MTA3: variants seen among roughly 807,000 people sequenced by gnomAD.
The protein encoded by MTA3 is metastasis associated 1 family member 3.
A neutral mutation model predicts 83.5 loss-of-function variants in MTA3; 34 were observed. The observed-to-expected ratio is 0.41, with a 90% CI of 0.31 to 0.54. The LOEUF is 0.54. Ranked by LOEUF, MTA3 falls within the 20% of genes least tolerant of loss-of-function variation. The pLI is 0.33. For synonymous variants in MTA3, 303 were observed against 252.7 expected (o/e 1.20, Z -1.89); for missense variants, 761 against 726.4 (o/e 1.05, Z -0.55).
chr2:42,712,565 A>C (rs1489384843), intron 14 of MTA3, among the ~76,000 whole-genome samples: 4 of 152,200 alleles, frequency 2.6e-5, no homozygotes, highest in Non-Finnish European at 2.9e-5. Flanking sequence ...GAATGTATAA[A>C]TCCATGCCAA....
At chr2:42,517,943 T>C (rs145577917) in intron 2 of MTA3, among the ~76,000 whole-genome samples, 4,513 of 151,800 alleles carry the variant, frequency 0.03, 97 homozygotes, top group Non-Finnish European at 0.04. Context: ...CCGAGCACTT[T>C]GGGAGGCCAA....
chr2:42,509,081 C>T (rs529994203), intron 2 of MTA3, among the ~76,000 whole-genome samples: 44 of 151,864 alleles, frequency 2.9e-4, no homozygotes, highest in African/African-American at 1.0e-3. Context: ...CTTGCTCTGT[C>T]GCCCAGGCTG....
intron 8 of MTA3, among the ~76,000 whole-genome samples, chr2:42,679,440 C>G (rs1273267498): frequency 6.6e-6 from 1 of 152,146 alleles, no homozygotes; most frequent in Non-Finnish European, 1.5e-5. Context: ...TGCAACTAGG[C>G]TTCACTAAAG....
intron 10 of MTA3, 85 bp downstream of exon 10, chr2:42,695,924 C>G (rs1693352438): frequency 4.7e-6 from 4 of 856,220 alleles, no homozygotes; most frequent in Non-Finnish European, 7.2e-6. Flanking sequence ...CGATGTACTA[C>G]TTTTAAATTT....
At chr2:42,538,160 G>C (rs988695736) in intron 2 of MTA3, among the ~76,000 whole-genome samples, 1 of 152,132 alleles carries the variant, frequency 6.6e-6, no homozygotes, top group Non-Finnish European at 1.5e-5. Context: ...GTGAACCCGG[G>C]AGGTGGAGCT....
chr2:42,731,056 C>G (rs1189550157), intron 16 of MTA3, among the ~76,000 whole-genome samples: 1 of 152,082 alleles, frequency 6.6e-6, no homozygotes, highest in Admixed American at 6.6e-5. Context: ...TGTAACGTCT[C>G]CTTTTTCATC....
chr2:42,534,855 T>C (rs1185504880), intron 2 of MTA3, among the ~76,000 whole-genome samples: 2 of 152,036 alleles, frequency 1.3e-5, no homozygotes, highest in African/African-American at 4.8e-5. Context: ...AATCCTGAGC[T>C]CAAGTGATCC....
At chr2:42,744,547 C>T (rs1016607) in intron 16 of MTA3, among the ~76,000 whole-genome samples, 95,668 of 151,874 alleles carry the variant, frequency 0.63, 30,498 homozygotes, top group East Asian at 0.79. Flanking sequence ...CCCCTTTCCC[C>T]CATTCTCAGT....
At position 42,514,571 on chromosome 2, in the gene MTA3, A is replaced by G. The variant is rs1345326212; in HGVS notation, c.-141+19317A>G. Among the ~76,000 whole-genome samples the G allele has an allele frequency of 3.4e-5, 5 of 148,576 alleles. 1 individual carries two copies. The East Asian group carries it at 1.1e-3, about 31-fold the overall frequency. ...GCTAATTTTTGTATTTTTAATACAG[A>G]TGGGGTTTCACCATGTTGGCCAAGC... On this transcript the variant is annotated intron_variant, in intron 2 of 17. Coordinates refer to the MTA3 transcript ENST00000405592.
At chr2:42,573,980 G>A (rs1678766204) in intron 2 of MTA3, among the ~76,000 whole-genome samples, 1 of 149,962 alleles carries the variant, frequency 6.7e-6, no homozygotes, top group African/African-American at 2.5e-5. Flanking sequence ...CACTACGCCT[G>A]GCTATTTATT....
chr2:42,549,535 C>T (rs1381050184), intron 2 of MTA3, among the ~76,000 whole-genome samples: 2 of 102,630 alleles, frequency 1.9e-5, no homozygotes, highest in Non-Finnish European at 1.8e-5. Flanking sequence ...ATATAATATA[C>T]ATATATTACA....
At chr2:42,603,623 G>C (rs1682849816) in intron 3 of MTA3, among the ~76,000 whole-genome samples, 1 of 152,130 alleles carries the variant, frequency 6.6e-6, no homozygotes, top group Admixed American at 6.6e-5. Flanking sequence ...AGTCAGTAAA[G>C]TAAAAAACTC....
At chr2:42,597,983 A>G (rs936222809) in intron 3 of MTA3, among the ~76,000 whole-genome samples, 1 of 146,988 alleles carries the variant, frequency 6.8e-6, no homozygotes, top group African/African-American at 2.5e-5. Flanking sequence ...CGCCTGGCCA[A>G]GTTATCTTTT....
chr2:42,523,220 G>T (rs996168459), intron 2 of MTA3, among the ~76,000 whole-genome samples: 2 of 152,100 alleles, frequency 1.3e-5, no homozygotes, highest in Admixed American at 1.3e-4. Context: ...CTGCCACCAT[G>T]GGGTTGGATA....
intron 2 of MTA3, among the ~76,000 whole-genome samples, chr2:42,495,913 T>C (rs1031194860): frequency 2.6e-5 from 4 of 152,146 alleles, no homozygotes; most frequent in South Asian, 2.1e-4. Context: ...GTCTTGAAGA[T>C]GGATTTGTTG....
upstream of MTA3, chr2:42,568,036 C>T (rs764613623): frequency 6.6e-6 from 1 of 152,300 alleles, no homozygotes; most frequent in Non-Finnish European, 1.5e-5. Context: ...CTGTCCCCAG[C>T]TGGGTCTCTG....
intron 16 of MTA3, among the ~76,000 whole-genome samples, chr2:42,735,754 T>C (rs966228222): frequency 2.0e-5 from 3 of 152,254 alleles, no homozygotes; most frequent in African/African-American, 4.8e-5. Flanking sequence ...GAGACTCTGA[T>C]GTATTTTTCA....
Position 42,754,301 on chromosome 2 carries a change from C to T in MTA3, c.*902C>T. 2 of 985,486 alleles carry T rather than the reference C, an allele frequency of 2.0e-6. No individual in the cohort carries two copies. The highest frequency in any genetic ancestry group is 1.2e-6 in the Non-Finnish European group (1 of 829,960). 61.0% of individuals were successfully genotyped at this position (985,486 alleles called of 1,614,324 possible). On this transcript the variant is annotated 3_prime_UTR_variant, in exon 17 of 17. Coordinates refer to ENST00000405094, the MANE Select transcript of MTA3 (RefSeq NM_001330442.2). ...CCTAGTTTCATTTTAAGCAGACAGA[C>T]TCTGTTTGGCCTAGAGGTGTGGAGT...
intron 14 of MTA3, among the ~76,000 whole-genome samples, chr2:42,711,781 A>AGT (rs1328473255): frequency 0.011 from 1,688 of 148,514 alleles, 28 homozygotes; most frequent in African/African-American, 0.041. Flanking sequence ...GGAGAGAGAG[A>AGT]GAGTGTGTGT....
Sources: allele counts gnomAD v4.1 joint callset (sites outside exome capture counted in the v4.1 genomes callset), GRCh38; gene constraint gnomAD v4.1.1; transcripts MANE v1.5; gene names NCBI Gene and HGNC (gene_info 2026-07-23, HGNC 2026-07-21).